The following SLC35F5 variants were observed in gnomAD, a reference collection of about 807,000 sequenced individuals.
SLC35F5 encodes solute carrier family 35 member F5.
Under a neutral mutation model 68.6 loss-of-function variants are expected in SLC35F5, and 54 were observed. The observed-to-expected ratio is 0.79, with a 90% CI of 0.63 to 0.99. SLC35F5 has a LOEUF of 0.99. SLC35F5 is among the 50% of genes least tolerant of loss of function. The pLI is 0.00. For missense variants in SLC35F5, 567 were observed against 626.9 expected (o/e 0.90, Z 1.02); for synonymous variants, 211 against 205.2 (o/e 1.03, Z -0.24).
intron 11 of SLC35F5, among the ~76,000 whole-genome samples, chr2:113,728,356 T>C (rs1687749057): frequency 6.6e-6 from 1 of 152,108 alleles, no homozygotes; most frequent in Admixed American, 6.5e-5. Context: ...CCCAGGCTGA[T>C]CTTGAATCCC....
chr2:113,743,804 A>G lies in SLC35F5; in HGVS notation c.481-10T>C, dbSNP rs1676378840. The G allele has an allele frequency of 6.3e-7, 1 of 1,580,956 alleles. No homozygotes were observed. The highest frequency in any genetic ancestry group is 1.8e-5 in the Admixed American group (1 of 57,022). ...CATACAGAGGTTCACTCTGGAATGT[A>G]ACAGAAAAAAATATAAACAACAAAT... is the stretch of plus-strand genomic sequence containing the variant. On this transcript the variant is annotated splice_polypyrimidine_tract_variant and intron_variant, in intron 5 of 15. Transcript: ENST00000245680.
intron 7 of SLC35F5, among the ~76,000 whole-genome samples, chr2:113,740,778 C>T (rs935804522): frequency 2.0e-5 from 3 of 152,150 alleles, no homozygotes; most frequent in African/African-American, 7.2e-5. Context: ...AGGTGCACAC[C>T]ACCATGCCCA....
chr2:113,715,373 A>G (rs1052220873), intron 15 of SLC35F5, among the ~76,000 whole-genome samples, 178 bp from the exon 16 acceptor site: 8 of 152,208 alleles, frequency 5.3e-5, no homozygotes. Context: ...TGTGACTTCT[A>G]TAGCAATGTC....
At chr2:113,741,557 T>C (rs1031591099) in intron 7 of SLC35F5, among the ~76,000 whole-genome samples, 2 of 151,882 alleles carry the variant, frequency 1.3e-5, no homozygotes, top group Admixed American at 6.6e-5. Flanking sequence ...CAAAATTAGC[T>C]GGGTGTGGTG....
chr2:113,712,611 G>A lies in SLC35F5; in HGVS notation c.*2607C>T, dbSNP rs564497423. On this transcript the variant is annotated 3_prime_UTR_variant, in exon 16 of 16. Transcript: ENST00000245680. ...ACTACAGGCGTGAGCCACCACGCCC[G>A]GCCCAAAAGCATTTACTGTTAAGGC... Among the ~76,000 whole-genome samples the A allele has an allele frequency of 7.2e-5, 11 of 152,282 alleles. No individual in the cohort carries two copies. Among genetic ancestry groups the A allele is most frequent in the South Asian group, 6.2e-4 (3 of 4,828 alleles).
Position 113,710,832 on chromosome 2 carries a change from C to G in SLC35F5, c.*4386G>C, listed in dbSNP as rs991017228. Among the ~76,000 whole-genome samples the G allele has an allele frequency of 3.3e-5, 5 of 151,890 alleles. No homozygotes were observed. Among genetic ancestry groups the G allele is most frequent in the Non-Finnish European group, 5.9e-5 (4 of 68,006 alleles). ...AGACTCTTGGACAGAAATCTTCTGC[C>G]TGCCTTCCAAGGACCCACTGAAATT... On this transcript the variant is annotated 3_prime_UTR_variant, in exon 16 of 16. Coordinates refer to ENST00000245680, the MANE Select transcript of SLC35F5 (RefSeq NM_025181.5).
chr2:113,724,255 G>A (rs553173377), intron 12 of SLC35F5, among the ~76,000 whole-genome samples: 74 of 152,238 alleles, frequency 4.9e-4, no homozygotes, highest in African/African-American at 1.7e-3. Flanking sequence ...AAAAACCTGG[G>A]AGGTAGAATT....
chr2:113,719,061 T>C (rs1207535898), intron 14 of SLC35F5, 93 bp downstream of exon 14: 16 of 1,172,406 alleles, frequency 1.4e-5, no homozygotes, highest in Non-Finnish European at 1.9e-5. Context: ...CAATAATTCC[T>C]CACAAAATCT....
chr2:113,751,594 G>GAA (rs1202494293), intron 3 of SLC35F5, among the ~76,000 whole-genome samples: 1 of 152,030 alleles, frequency 6.6e-6, no homozygotes, highest in Non-Finnish European at 1.5e-5. Context: ...TGGATCACTT[G>GAA]AAGTCAGGAG....
At chr2:113,737,454 A>G (rs1688135472) in intron 7 of SLC35F5, among the ~76,000 whole-genome samples, 1 of 152,246 alleles carries the variant, frequency 6.6e-6, no homozygotes, top group Non-Finnish European at 1.5e-5. Context: ...ATATATGGCA[A>G]GAGAAGCCAC....
chr2:113,727,184 T>G (rs1414351615), intron 11 of SLC35F5, among the ~76,000 whole-genome samples: 1 of 152,126 alleles, frequency 6.6e-6, no homozygotes, highest in Non-Finnish European at 1.5e-5. Flanking sequence ...GTGTAAAACA[T>G]GCCTTGCTTC....
chr2:113,706,596 TG>T (rs1475251000), downstream of SLC35F5, among the ~76,000 whole-genome samples: 2 of 152,234 alleles, frequency 1.3e-5, no homozygotes, highest in Non-Finnish European at 2.9e-5. Context: ...GACCTTAACA[TG>T]CATAAGATGC....
At chr2:113,736,586 A>T (rs1002891835) in intron 7 of SLC35F5, among the ~76,000 whole-genome samples, 2 of 152,228 alleles carry the variant, frequency 1.3e-5, no homozygotes, top group African/African-American at 4.8e-5. Flanking sequence ...AAACCAGATG[A>T]TGTGCATGGA....
chr2:113,740,008 G>T (rs775402047), intron 7 of SLC35F5, among the ~76,000 whole-genome samples: 1 of 152,122 alleles, frequency 6.6e-6, no homozygotes, highest in East Asian at 1.9e-4. Flanking sequence ...CTTCATCCTC[G>T]TCATCCTCAT....
chr2:113,733,459 T>G (rs1260368290), intron 9 of SLC35F5: 1 of 284,646 alleles, frequency 3.5e-6, no homozygotes, highest in African/African-American at 2.3e-5. Context: ...TTAAATAAAG[T>G]TAAATAAAAC....
At chr2:113,734,320 C>T (rs1002669720) in intron 9 of SLC35F5, among the ~76,000 whole-genome samples, 5 of 152,138 alleles carry the variant, frequency 3.3e-5, no homozygotes, top group African/African-American at 1.2e-4. Context: ...TAAGTGTGAA[C>T]GTCAGTCCAA....
In SLC35F5 at chr2:113,753,168, C is replaced by CTTTTTTTTTTTTTTTTTTTTTT. The variant is rs1173478465; in HGVS notation, c.273+1975_273+1996dup. 9.2e-4 allele frequency among the ~76,000 whole-genome samples: 45 copies of CTTTTTTTTTTTTTTTTTTTTTT among 49,074 alleles called. 17 individuals carry two copies. Among genetic ancestry groups the CTTTTTTTTTTTTTTTTTTTTTT allele is most frequent in the Non-Finnish European group, 1.2e-3 (34 of 28,290 alleles). The allele number at this position is 49,074 out of a possible 152,430, so 32.2% of individuals were successfully genotyped here. ...CACTTTATCTCCAAAGTTTGTTTTT[C>CTTTTTTTTTTTTTTTTTTTTTT]TTTTTTTTTTTTTTTTTTTTTTTTT... On this transcript the variant is annotated intron_variant, in intron 3 of 15. Transcript: ENST00000245680.
At position 113,756,587 on chromosome 2, in the gene SLC35F5, G is replaced by C; in HGVS notation, c.-178C>G. The C allele has an allele frequency of 7.0e-7, 1 of 1,422,788 alleles. No individual in the cohort carries two copies. Among genetic ancestry groups the C allele is most frequent in the Non-Finnish European group, 9.2e-7 (1 of 1,089,188 alleles). 88.1% of individuals were successfully genotyped at this position (1,422,788 alleles called of 1,614,324 possible). A position where few individuals can be genotyped will look rare whatever the true frequency, so the allele number is the denominator to read the frequency against. Reference sequence around the variant, plus strand: ...TCCACTCGGCCCAGGAGGGCGTGGAGCGGGTGAGGGGAAGGGACGGCACAG... The same window carrying C: ...TCCACTCGGCCCAGGAGGGCGTGGACCGGGTGAGGGGAAGGGACGGCACAG... On this transcript the variant is annotated 5_prime_UTR_variant, in exon 1 of 16. Coordinates refer to ENST00000245680, the MANE Select transcript of SLC35F5 (RefSeq NM_025181.5).
chr2:113,706,486 T>A (rs1317407721), downstream of SLC35F5, among the ~76,000 whole-genome samples: 1 of 152,198 alleles, frequency 6.6e-6, no homozygotes, highest in East Asian at 1.9e-4. Context: ...GGAGGAAAAG[T>A]TCAATGGAAG....
Sources: gnomAD v4.1 joint callset for allele counts (sites outside exome capture counted in the v4.1 genomes callset) on GRCh38, gnomAD v4.1.1 for gene constraint, MANE v1.5 for transcripts, NCBI Gene and HGNC (gene_info 2026-07-23, HGNC 2026-07-21) for gene names.